DMRT1: variants seen among roughly 807,000 people sequenced by gnomAD.
The protein encoded by DMRT1 is doublesex- and mab-3-related transcription factor 1.
DMRT1 carries 7 observed loss-of-function variants against 32.3 expected under a neutral mutation model. The observed-to-expected ratio is 0.22, with a 90% CI of 0.12 to 0.41. The LOEUF (loss-of-function observed/expected upper bound fraction) is 0.41, where lower values mean the gene tolerates loss of function less well. Ranked by LOEUF, DMRT1 falls within the 10% of genes least tolerant of loss-of-function variation. The pLI, the probability that DMRT1 is intolerant of heterozygous loss-of-function variation, is 1.00. For synonymous variants in DMRT1, 278 were observed against 206.1 expected (o/e 1.35, Z -2.99); for missense variants, 625 against 500.5 (o/e 1.25, Z -2.37).
chr9:880,724 C>CAAAAAAAAAAAAA (rs754419367), intron 2 of DMRT1, among the ~76,000 whole-genome samples: 2 of 62,074 alleles, frequency 3.2e-5, no homozygotes, highest in African/African-American at 1.0e-4. Context: ...AACTCAGTCT[C>CAAAAAAAAAAAAA]AAAAAAAAAA....
At chr9:871,112 T>C (rs932362935) in intron 2 of DMRT1, among the ~76,000 whole-genome samples, 8 of 152,142 alleles carry the variant, frequency 5.3e-5, no homozygotes, top group African/African-American at 1.7e-4. Context: ...CATGGGCACA[T>C]TGCAACCTTC....
rs58893896 is a variant in DMRT1 at position 870,709 on chromosome 9, C to CTTTTTTTTTTTTTTTTTTTTTTTTT, written c.539-23183_539-23182insTTTTTTTTTTTTTTTTTTTTTTTTT. ...GTTCCCATATTTCTCATTTTCTTGA[C>CTTTTTTTTTTTTTTTTTTTTTTTTT]TTTTTTTTTTTTTTTTTTTTGAGAC... is the stretch of plus-strand genomic sequence containing the variant. On this transcript the variant is annotated intron_variant, in intron 2 of 4. Transcript: ENST00000382276. Among the ~76,000 whole-genome samples, 22 of 69,560 alleles carry CTTTTTTTTTTTTTTTTTTTTTTTTT rather than the reference C, an allele frequency of 3.2e-4. 6 individuals are homozygous for CTTTTTTTTTTTTTTTTTTTTTTTTT. Among genetic ancestry groups the CTTTTTTTTTTTTTTTTTTTTTTTTT allele is most frequent in the African/African-American group, 1.3e-3 (20 of 15,232 alleles). 45.6% of individuals were successfully genotyped at this position (69,560 alleles called of 152,430 possible). A position where few individuals can be genotyped will look rare whatever the true frequency, so the allele number is the denominator to read the frequency against.
intron 4 of DMRT1, among the ~76,000 whole-genome samples, chr9:939,022 C>T (rs541458897): frequency 5.9e-5 from 9 of 152,224 alleles, no homozygotes; most frequent in African/African-American, 2.2e-4. Context: ...CCCCTGCCTT[C>T]ACTGGTTAGG....
chr9:894,125 C>T lies in DMRT1; in HGVS notation c.752C>T (p.Ser251Phe). Residue 251 changes from serine to phenylalanine, a missense_variant, in exon 3 of 5, where the codon TCC (serine) becomes TTC (phenylalanine). By Grantham distance (155) the Ser-to-Phe change is radical (BLOSUM62 -2). This residue lies in a region of DMRT1 where 416 missense variants were observed against 321.6 expected (regional missense o/e 1.29). Coordinates refer to ENST00000382276, the MANE Select transcript of DMRT1 (RefSeq NM_021951.3). Reference protein sequence around the residue: ...SGEVGNPLGGSPVKNSLRGLP... With the variant: ...SGEVGNPLGGFPVKNSLRGLP... ...GAGGTGGGAAATCCCCTCGGGGGAT[C>T]CCCTGTGAAGAACAGCCTTCGGGGC... The T allele has an allele frequency of 6.8e-6, 11 of 1,614,230 alleles. No homozygotes were observed. The highest frequency in any genetic ancestry group is 9.3e-6 in the Non-Finnish European group (11 of 1,180,028).
At chr9:963,486 G>A (rs796777997) in intron 4 of DMRT1, among the ~76,000 whole-genome samples, 39 of 152,216 alleles carry the variant, frequency 2.6e-4, no homozygotes, top group African/African-American at 8.7e-4. Context: ...TCAGCTTGTG[G>A]TTTCTAATTA....
At chr9:928,407 G>A (rs748860455) in intron 4 of DMRT1, among the ~76,000 whole-genome samples, 1 of 152,082 alleles carries the variant, frequency 6.6e-6, no homozygotes, top group African/African-American at 2.4e-5. Flanking sequence ...ATAAAATCTG[G>A]GTTAGGGATT....
At chr9:920,090 C>T (rs550360349) in intron 4 of DMRT1, among the ~76,000 whole-genome samples, 57 of 152,230 alleles carry the variant, frequency 3.7e-4, no homozygotes, top group African/African-American at 1.3e-3. Flanking sequence ...TTGAGATGTC[C>T]ATGAACCACC....
At chr9:932,558 T>C (rs1244375179) in intron 4 of DMRT1, among the ~76,000 whole-genome samples, 2 of 152,224 alleles carry the variant, frequency 1.3e-5, no homozygotes, top group Admixed American at 6.5e-5. Context: ...GAGAGGTTTT[T>C]TTCCTTCTGA....
At chr9:852,893 C>T (rs1488750072) in intron 2 of DMRT1, among the ~76,000 whole-genome samples, 3 of 152,214 alleles carry the variant, frequency 2.0e-5, no homozygotes, top group African/African-American at 7.2e-5. Context: ...AGTTACTCCA[C>T]TTGGAGAGCA....
intron 3 of DMRT1, among the ~76,000 whole-genome samples, chr9:908,060 T>C (rs1175058746): frequency 6.6e-6 from 1 of 152,174 alleles, no homozygotes; most frequent in Non-Finnish European, 1.5e-5. Flanking sequence ...AATACTCACA[T>C]CTGAATTGCT....
At chr9:844,973 C>T (rs1237238427) in intron 1 of DMRT1, among the ~76,000 whole-genome samples, 5 of 152,076 alleles carry the variant, frequency 3.3e-5, no homozygotes, top group Admixed American at 1.3e-4. Flanking sequence ...CCACCCGCCT[C>T]GGCTTCCCAG....
chr9:947,398 A>G (rs938198604), intron 4 of DMRT1, among the ~76,000 whole-genome samples: 8 of 152,216 alleles, frequency 5.3e-5, no homozygotes, highest in Non-Finnish European at 2.9e-5. Context: ...ATTGACAGAA[A>G]ATGTTAATGT....
intron 3 of DMRT1, among the ~76,000 whole-genome samples, chr9:907,786 C>A (rs572739927): frequency 1.3e-5 from 2 of 151,662 alleles, no homozygotes; most frequent in Admixed American, 6.6e-5. Context: ...CTGTTCTATT[C>A]TATTGCATTC....
intron 3 of DMRT1, among the ~76,000 whole-genome samples, chr9:912,002 G>T (rs1818008143): frequency 6.6e-6 from 1 of 152,102 alleles, no homozygotes. Context: ...CCAAGACTGG[G>T]TAATTTATAA....
chr9:854,499 G>T lies in DMRT1; in HGVS notation c.538+7356G>T, dbSNP rs1815305069. Among the ~76,000 whole-genome samples the T allele has an allele frequency of 2.0e-5, 3 of 152,072 alleles. No individual in the cohort carries two copies. In the South Asian group the frequency reaches 6.2e-4, roughly 32 times the overall value. ...GGGTTTTGCCACGTTGGCCAGGCTG[G>T]TCTTATCTTTGGAGTTTTCTAATGT... On this transcript the variant is annotated intron_variant, in intron 2 of 4. Transcript: ENST00000382276.
intron 2 of DMRT1, among the ~76,000 whole-genome samples, chr9:891,603 C>G (rs1475385664): frequency 6.6e-6 from 1 of 151,402 alleles, no homozygotes; most frequent in African/African-American, 2.4e-5. Context: ...CAACCTCTGT[C>G]TCCCAGGTTC....
At chr9:943,301 C>T (rs562695100) in intron 4 of DMRT1, among the ~76,000 whole-genome samples, 2 of 152,176 alleles carry the variant, frequency 1.3e-5, no homozygotes, top group African/African-American at 2.4e-5. Flanking sequence ...GTGTTGAACC[C>T]CCTCACTTCT....
intron 2 of DMRT1, among the ~76,000 whole-genome samples, chr9:883,513 C>T (rs776862293): frequency 6.6e-5 from 10 of 151,886 alleles, no homozygotes; most frequent in East Asian, 3.9e-4. Context: ...AAGGAGAGCC[C>T]GGGTGCAGCG....
intron 4 of DMRT1, among the ~76,000 whole-genome samples, chr9:931,550 C>T (rs930267327): frequency 6.6e-6 from 1 of 152,192 alleles, no homozygotes; most frequent in Non-Finnish European, 1.5e-5. Flanking sequence ...TTCTTATAGT[C>T]TGGAGGCTGG....
Sources: gnomAD v4.1 joint callset for allele counts (sites outside exome capture counted in the v4.1 genomes callset) on GRCh38, gnomAD v4.1.1 for gene constraint, gnomAD v4.1.1 regional missense constraint, MANE v1.5 for transcripts, NCBI Gene and HGNC (gene_info 2026-07-23, HGNC 2026-07-21) for gene names.